PRR16: variants seen among roughly 807,000 people sequenced by gnomAD.
PRR16 encodes proline rich 16.
PRR16 carries 6 observed loss-of-function variants against 18.2 expected under a neutral mutation model. That is an observed-to-expected ratio of 0.33 (90% confidence interval 0.18 to 0.65). The LOEUF (loss-of-function observed/expected upper bound fraction) is 0.65. Ranked by LOEUF, PRR16 falls within the 30% of genes least tolerant of loss-of-function variation. The probability of loss-of-function intolerance (pLI) is 0.74; values close to 1 mark genes in which losing one functional copy is unlikely to be tolerated. For synonymous variants in PRR16, 151 were observed against 147.8 expected, an observed-to-expected ratio of 1.02 and a Z score of -0.16; for missense variants, 412 against 376.6, an observed-to-expected ratio of 1.09 and a Z score of -0.78.
the PRR16 span, among the ~76,000 whole-genome samples, chr5:120,750,535 C>T: frequency 1.9e-4 from 29 of 151,758 alleles, 1 homozygote; most frequent in Middle Eastern, 3.4e-3. Context: ...AGTGTGGTGG[C>T]GCATACCTGT....
intron 1 of PRR16, among the ~76,000 whole-genome samples, chr5:120,509,689 T>A (rs142328196): frequency 6.6e-6 from 1 of 152,138 alleles, no homozygotes; most frequent in African/African-American, 2.4e-5. Context: ...GTTATAGACA[T>A]CAGAGTTTTA....
intron 1 of PRR16, among the ~76,000 whole-genome samples, chr5:120,488,276 C>G (rs1234867857): frequency 2.0e-5 from 3 of 152,110 alleles, no homozygotes; most frequent in Non-Finnish European, 4.4e-5. Flanking sequence ...TCCATCTGGT[C>G]TTAGACTTTT....
the PRR16 span, among the ~76,000 whole-genome samples, chr5:120,762,301 CATA>C: frequency 1.6e-4 from 24 of 152,190 alleles, no homozygotes; most frequent in Admixed American, 8.5e-4. Flanking sequence ...TACTGTTTTT[CATA>C]ATAATTGTAT....
chr5:120,729,876 A>G, the PRR16 span, among the ~76,000 whole-genome samples: 4 of 152,226 alleles, frequency 2.6e-5, no homozygotes, highest in South Asian at 2.1e-4. Flanking sequence ...TTTGCATGCC[A>G]TATCAAGAAG....
rs541912903 is a variant in PRR16, at chr5:120,507,796, TA to T, written c.159+43159del. ...ATGACAGTTTGAGCTTGGGTGTCTT[TA>T]AAAAAAATTACTGTCTGATGCAAGA... On this transcript the variant is annotated intron_variant, in intron 1 of 1. Transcript: ENST00000407149. Among the ~76,000 whole-genome samples the T allele has an allele frequency of 5.3e-4, 80 of 152,114 alleles. 1 individual carries two copies. The South Asian group carries it at 0.015, about 28-fold the overall frequency.
intron 1 of PRR16, among the ~76,000 whole-genome samples, chr5:120,673,867 A>G (rs997225367): frequency 5.9e-5 from 9 of 152,054 alleles, no homozygotes; most frequent in African/African-American, 1.9e-4. Flanking sequence ...AGGCAGGAGA[A>G]TCACTTCACC....
chr5:120,530,269 A>ATATATATATATATATATATT (rs1751502934), intron 1 of PRR16, among the ~76,000 whole-genome samples: 1 of 123,202 alleles, frequency 8.1e-6, no homozygotes, highest in African/African-American at 3.5e-5. Flanking sequence ...ATATATATAT[A>ATATATATATATATATATATT]TATATATATA....
At chr5:120,538,350 CTA>C (rs1199429445) in intron 1 of PRR16, among the ~76,000 whole-genome samples, 1 of 152,142 alleles carries the variant, frequency 6.6e-6, no homozygotes, top group Admixed American at 6.5e-5. Flanking sequence ...AGTTGTATTT[CTA>C]TGAGTCAGGA....
chr5:120,490,235 C>T (rs1164549474), intron 1 of PRR16, among the ~76,000 whole-genome samples: 1 of 152,158 alleles, frequency 6.6e-6, no homozygotes, highest in East Asian at 1.9e-4. Flanking sequence ...TGGATAATAT[C>T]CTGCAGAGTG....
intron 1 of PRR16, among the ~76,000 whole-genome samples, chr5:120,593,663 A>G (rs2112778410): frequency 6.6e-6 from 1 of 152,282 alleles, no homozygotes; most frequent in South Asian, 2.1e-4. Flanking sequence ...TGAGGCCAGC[A>G]CCATCCTGAT....
intron 1 of PRR16, among the ~76,000 whole-genome samples, chr5:120,564,522 T>C (rs1436934707): frequency 6.6e-6 from 1 of 152,018 alleles, no homozygotes; most frequent in Non-Finnish European, 1.5e-5. Context: ...ATGTCTTTGC[T>C]CTCCGCTATA....
chr5:120,719,564 T>C, the PRR16 span, among the ~76,000 whole-genome samples: 1 of 152,070 alleles, frequency 6.6e-6, no homozygotes, highest in African/African-American at 2.4e-5. Flanking sequence ...TTTATGCTCA[T>C]TAAATCCATT....
At chr5:120,692,157 T>C (rs892344576), downstream of PRR16, among the ~76,000 whole-genome samples, 2 of 152,214 alleles carry the variant, frequency 1.3e-5, no homozygotes, top group East Asian at 3.9e-4. Context: ...GAGCTGAACA[T>C]CATCGTTTTC....
intron 1 of PRR16, among the ~76,000 whole-genome samples, chr5:120,669,311 C>G (rs1580858942): frequency 6.6e-6 from 1 of 152,028 alleles, no homozygotes; most frequent in Non-Finnish European, 1.5e-5. Context: ...TCACACCCTC[C>G]CCTCTTTACC....
intron 1 of PRR16, among the ~76,000 whole-genome samples, chr5:120,519,254 T>A (rs1751095406): frequency 6.6e-6 from 1 of 152,092 alleles, no homozygotes. Flanking sequence ...TATTTAGTAA[T>A]GAATAATAAA....
intron 1 of PRR16, among the ~76,000 whole-genome samples, chr5:120,551,358 TTA>T (rs1446952302): frequency 6.6e-6 from 1 of 152,054 alleles, no homozygotes; most frequent in Admixed American, 6.6e-5. Context: ...AATTTGACTT[TTA>T]TAGTCAGATG....
Position 120,517,333 on chromosome 5 carries a change from C to G in PRR16, c.159+52688C>G, listed in dbSNP as rs751349739. ...ATTACACTTGAAGCAGAATTCTGCT[C>G]TGACCATCCACCACAGAGTGATTCT... On this transcript the variant is annotated intron_variant, in intron 1 of 1. Coordinates refer to ENST00000407149, the MANE Select transcript of PRR16 (RefSeq NM_001300783.2). 2.8e-4 allele frequency among the ~76,000 whole-genome samples: 43 copies of G among 152,162 alleles called. 1 individual carries two copies. The highest frequency in any genetic ancestry group is 5.9e-4 in the Non-Finnish European group (40 of 68,036).
At chr5:120,556,103 T>A (rs1043213829) in intron 1 of PRR16, among the ~76,000 whole-genome samples, 1 of 151,710 alleles carries the variant, frequency 6.6e-6, no homozygotes, top group African/African-American at 2.4e-5. Flanking sequence ...AACTCTCCTT[T>A]TTTTTTTCCT....
intron 1 of PRR16, among the ~76,000 whole-genome samples, chr5:120,481,014 A>G (rs1204301097): frequency 6.6e-6 from 1 of 152,188 alleles, no homozygotes; most frequent in Non-Finnish European, 1.5e-5. Context: ...ACACTAATCA[A>G]ATTAGCATTG....
Sources: allele counts gnomAD v4.1 joint callset (sites outside exome capture counted in the v4.1 genomes callset), GRCh38; gene constraint gnomAD v4.1.1; transcripts MANE v1.5; gene names NCBI Gene and HGNC (gene_info 2026-07-23, HGNC 2026-07-21).